The following KLRG1 variants were observed in gnomAD, a reference collection of about 807,000 sequenced individuals.
KLRG1 encodes killer cell lectin-like receptor subfamily G member 1.
In KLRG1, 16 loss-of-function variants were observed where a neutral mutation model predicts 21.8. The ratio of observed to expected loss-of-function variants is 0.73; its 90% CI spans 0.50 to 1.11. The LOEUF is 1.11. KLRG1 is among the 50% of genes most tolerant of loss of function. The pLI is 0.00. For synonymous variants in KLRG1, 69 were observed against 75.9 expected (o/e 0.91, Z 0.47); for missense variants, 173 against 218.3 (o/e 0.79, Z 1.31).
At chr12:9,063,424 T>C in the KLRG1 span, among the ~76,000 whole-genome samples, 6 of 152,264 alleles carry the variant, frequency 3.9e-5, no homozygotes, top group East Asian at 9.6e-4. Flanking sequence ...AAATACAAAC[T>C]ATACATAAAA....
the KLRG1 span, among the ~76,000 whole-genome samples, chr12:9,203,430 C>T: frequency 1.3e-5 from 2 of 151,202 alleles, no homozygotes; most frequent in African/African-American, 4.9e-5. Flanking sequence ...CAAACTTCGC[C>T]TCCCGGGTTC....
the KLRG1 span, chr12:9,201,041 A>G: frequency 5.0e-6 from 8 of 1,614,060 alleles, no homozygotes; most frequent in South Asian, 1.1e-5. Context: ...CCATTGTGCA[A>G]TTCGATTTCT....
At chr12:9,047,054 T>A in the KLRG1 span, among the ~76,000 whole-genome samples, 3 of 152,172 alleles carry the variant, frequency 2.0e-5, no homozygotes, top group South Asian at 6.2e-4. Context: ...AAACTCTTGC[T>A]ATGTTGCCCA....
At chr12:9,150,194 T>C in the KLRG1 span, among the ~76,000 whole-genome samples, 1 of 152,264 alleles carries the variant, frequency 6.6e-6, no homozygotes, top group African/African-American at 2.4e-5. Flanking sequence ...GCAGTGACTA[T>C]ATATTATCAT....
chr12:9,038,771 C>T, the KLRG1 span, among the ~76,000 whole-genome samples: 2 of 151,914 alleles, frequency 1.3e-5, no homozygotes, highest in African/African-American at 2.4e-5. Flanking sequence ...TGGTGGCAGG[C>T]ACGTGTAATC....
chr12:9,029,809 C>T, the KLRG1 span, among the ~76,000 whole-genome samples: 17 of 151,812 alleles, frequency 1.1e-4, no homozygotes, highest in Non-Finnish European at 1.9e-4. Context: ...CAGGCTGGAG[C>T]GCAATGGCAT....
chr12:9,029,842 T>C, the KLRG1 span, among the ~76,000 whole-genome samples: 2 of 152,152 alleles, frequency 1.3e-5, no homozygotes, highest in Non-Finnish European at 2.9e-5. Flanking sequence ...CTGCAACCTC[T>C]GCCTCCTGGG....
At chr12:9,138,116 T>C in the KLRG1 span, among the ~76,000 whole-genome samples, 230 of 152,168 alleles carry the variant, frequency 1.5e-3, 1 homozygote, top group Admixed American at 2.8e-3. Context: ...GGAAAAGCTT[T>C]CAACTTTTCA....
At chr12:9,184,413 C>G in the KLRG1 span, among the ~76,000 whole-genome samples, 2 of 152,246 alleles carry the variant, frequency 1.3e-5, no homozygotes, top group African/African-American at 4.8e-5. Flanking sequence ...CACCCCCATG[C>G]TAACACCACC....
chr12:9,109,752 C>G, the KLRG1 span: 2 of 1,060,164 alleles, frequency 1.9e-6, no homozygotes, highest in African/African-American at 3.2e-5. Flanking sequence ...TAATTCTACT[C>G]CAAGCCCAAT....
chr12:8,977,952 G>T (rs1270849321), intron 1 of KLRG1, among the ~76,000 whole-genome samples: 1 of 152,074 alleles, frequency 6.6e-6, no homozygotes, highest in Non-Finnish European at 1.5e-5. Flanking sequence ...TCTGCCTCCT[G>T]GGTTCAAGCG....
At chr12:9,147,759 T>C in the KLRG1 span, among the ~76,000 whole-genome samples, 1 of 152,206 alleles carries the variant, frequency 6.6e-6, no homozygotes, top group African/African-American at 2.4e-5. Flanking sequence ...CATTCTTCTA[T>C]GACTCCTTGA....
the KLRG1 span, chr12:9,164,322 A>C: frequency 1.3e-6 from 2 of 1,524,542 alleles, no homozygotes; most frequent in Non-Finnish European, 1.8e-6. Flanking sequence ...GAACACATAG[A>C]ATTGGGGCCA....
At chr12:9,099,544 G>A in the KLRG1 span, 1 of 1,599,670 alleles carries the variant, frequency 6.3e-7, no homozygotes, top group Non-Finnish European at 8.5e-7. Flanking sequence ...AAGAGAATGA[G>A]AGGAAGCCAT....
the KLRG1 span, chr12:9,079,804 C>T: frequency 1.2e-6 from 2 of 1,606,470 alleles, no homozygotes; most frequent in Non-Finnish European, 8.5e-7. Context: ...ATGGCAGAGC[C>T]TAATATGTCT....
At chr12:9,126,782 C>T in the KLRG1 span, among the ~76,000 whole-genome samples, 1 of 152,272 alleles carries the variant, frequency 6.6e-6, no homozygotes, top group African/African-American at 2.4e-5. Flanking sequence ...TAGTTCTCTG[C>T]CTGGGATTCT....
At chr12:9,192,253 T>C in the KLRG1 span, 3 of 1,613,948 alleles carry the variant, frequency 1.9e-6, no homozygotes, top group Non-Finnish European at 2.5e-6. Context: ...CCCTTAGCCA[T>C]GATCTGAAAT....
chr12:9,153,036 T>C, the KLRG1 span: 1 of 1,605,222 alleles, frequency 6.2e-7, no homozygotes, highest in Non-Finnish European at 8.5e-7. Flanking sequence ...AGAGGTGCCT[T>C]TTACTTTCCC....
the KLRG1 span, among the ~76,000 whole-genome samples, chr12:9,189,950 C>T: frequency 6.6e-6 from 1 of 152,080 alleles, no homozygotes; most frequent in South Asian, 2.1e-4. Context: ...AGATTATCAT[C>T]TCACATCAGT....
Sources: allele counts gnomAD v4.1 joint callset (sites outside exome capture counted in the v4.1 genomes callset), GRCh38; gene constraint gnomAD v4.1.1; transcripts MANE v1.5; gene names NCBI Gene and HGNC (gene_info 2026-07-23, HGNC 2026-07-21).